RGL2: variants seen among roughly 807,000 people sequenced by gnomAD.
RGL2 encodes ral guanine nucleotide dissociation stimulator like 2.
RGL2 carries 40 observed loss-of-function variants against 84.6 expected under a neutral mutation model. The ratio of observed to expected loss-of-function variants is 0.47; its 90% confidence interval spans 0.37 to 0.62. The LOEUF (loss-of-function observed/expected upper bound fraction) is 0.62, where lower values mean the gene tolerates loss of function less well. Among genes scored for constraint, RGL2 ranks in the 20% least tolerant of loss-of-function variants. The pLI, the probability that RGL2 is intolerant of heterozygous loss-of-function variation, is 0.00. For synonymous variants in RGL2, 369 were observed against 417.3 expected (o/e 0.88, Z 1.41); for missense variants, 865 against 1,019.7 (o/e 0.85, Z 2.07).
chr6:33,298,881 G>A lies in RGL2; in HGVS notation c.-53C>T, dbSNP rs1581727223. ...GCTCAGGCTCTGACCTGCTCGGGAG[G>A]GGTGGGGGCAGCGTGGGTCCTGAGC... On this transcript the variant is annotated 5_prime_UTR_variant, in exon 1 of 18. Transcript: ENST00000497454. This position sits in a 1 kb window ranked among gnomAD's most constrained non-coding sequence, Gnocchi z 4.8. The A allele has an allele frequency of 5.8e-6, 2 of 344,372 alleles. No homozygotes were observed. The highest frequency in any genetic ancestry group is 1.9e-4 in the South Asian group (2 of 10,330). 21.3% of individuals were successfully genotyped at this position (344,372 alleles called of 1,614,324 possible).
In RGL2 at chr6:33,298,673, T is replaced by TGGGGGG; in HGVS notation, c.-41-23_-41-22insCCCCCC. The TGGGGGG allele has an allele frequency of 5.0e-6, 2 of 399,646 alleles. No homozygotes were observed. Among genetic ancestry groups the TGGGGGG allele is most frequent in the Non-Finnish European group, 8.0e-6 (2 of 251,252 alleles). The allele number at this position is 399,646 out of a possible 1,614,324, so 24.8% of individuals were successfully genotyped here. Reference sequence around the variant, plus strand: ...GCGCCTGGGGAGAGACGGGGTGGGGTGGGGGTGGAGAGTCAGGCAGGCGCG... The same window carrying TGGGGGG: ...GCGCCTGGGGAGAGACGGGGTGGGGTGGGGGGGGGGGTGGAGAGTCAGGCAGGCGCG... On this transcript the variant is annotated intron_variant, in intron 1 of 17. Transcript: ENST00000497454. The surrounding 1 kb of genome is among the most constrained non-coding windows in gnomAD (Gnocchi z 4.8).
upstream of RGL2, chr6:33,300,970 A>G (rs1004161227): frequency 2.0e-5 from 3 of 152,020 alleles, no homozygotes; most frequent in Admixed American, 6.6e-5. Flanking sequence ...CGTCTCAAAA[A>G]AAAAAAAAAA....
Position 33,296,560 on chromosome 6 carries a change from C to T in RGL2, c.419+38G>A. ...ATGTTGCGGCTTTAGGAAATCCGGG[C>T]AGATACTCCACTACCCTGCGTCCCT... is the stretch of plus-strand genomic sequence containing the variant. On this transcript the variant is annotated intron_variant, in intron 4 of 17. Coordinates refer to ENST00000497454, the MANE Select transcript of RGL2 (RefSeq NM_004761.5). The surrounding 1 kb of genome is among the most constrained non-coding windows in gnomAD (Gnocchi z 5.0). 6.3e-7 allele frequency: 1 copy of T among 1,589,836 alleles called. No individual in the cohort carries two copies. The highest frequency in any genetic ancestry group is 8.6e-7 in the Non-Finnish European group (1 of 1,166,948).
rs751126668 is a variant in RGL2 at position 33,292,235 on chromosome 6, C to T, written c.2201G>A (p.Arg734Gln). 38 of 1,614,184 alleles carry T rather than the reference C, an allele frequency of 2.4e-5. No individual in the cohort carries two copies. Among genetic ancestry groups the T allele is most frequent in the South Asian group, 3.3e-5 (3 of 91,086 alleles). Residue 734 changes from arginine (R) to glutamine (Q), a missense_variant, in exon 18 of 18, where the codon CGA becomes CAA. Physicochemically the swap from Arg to Gln is conservative, Grantham distance 43. Coordinates refer to ENST00000497454, the MANE Select transcript of RGL2 (RefSeq NM_004761.5). ...ASHDFLLRQR[R>Q]RSSTATPGVT... is the part of the protein sequence containing the mutation. ...GCCAGGTGTAGCAGTAGAGGACCTTCGCCGCTGCCGCAGGAGGAAATCGTG... is the reference window on the plus strand; with the variant it reads ...GCCAGGTGTAGCAGTAGAGGACCTTTGCCGCTGCCGCAGGAGGAAATCGTG...
chr6:33,295,526 C>T lies in RGL2; in HGVS notation c.1002G>A (p.Lys334=), dbSNP rs1767863684. ...CTCTCACCTCTGCCACGCGGATCCACTTCTCCAGGAGCCGGGCCCTCTGTG... is the reference window on the plus strand; with the variant it reads ...CTCTCACCTCTGCCACGCGGATCCATTTCTCCAGGAGCCGGGCCCTCTGTG... ...RPPQRARLLE[K]WIRVAEECRL... is the part of the protein sequence containing the mutation. Residue 334 remains lysine, a synonymous_variant, in exon 7 of 18, where the codon AAG becomes AAA. Transcript: ENST00000497454. This position sits in a 1 kb window ranked among gnomAD's most constrained non-coding sequence, Gnocchi z 7.2. 2 of 1,613,704 alleles carry T rather than the reference C, an allele frequency of 1.2e-6. No homozygotes were observed.
chr6:33,301,201 C>G (rs1356662398), upstream of RGL2: 1 of 152,460 alleles, frequency 6.6e-6, no homozygotes, highest in African/African-American at 2.4e-5. Flanking sequence ...TTTAAGAGGT[C>G]CTGAGAGAAA....
Position 33,293,045 on chromosome 6 carries a change from C to G in RGL2, c.1978G>C (p.Glu660Gln), listed in dbSNP as rs190119751. The G allele has an allele frequency of 3.2e-5, 51 of 1,614,192 alleles. 1 individual carries two copies. In the South Asian group the frequency reaches 4.0e-4, roughly 13 times the overall value. The change falls in exon 16 of 18, where the codon GAA (glutamate) becomes CAA (glutamine). Residue 660 changes from glutamate (E) to glutamine (Q), a missense_variant. By Grantham distance (29) the Glu-to-Gln change is conservative. Transcript: ENST00000497454. The surrounding 1 kb of genome is among the most constrained non-coding windows in gnomAD (Gnocchi z 7.0). ...ATGCTCTTATAGACACTGCCATCTTCCCCCAACTCCATCTGGACTCGGATG... is the reference window on the plus strand; with the variant it reads ...ATGCTCTTATAGACACTGCCATCTTGCCCCAACTCCATCTGGACTCGGATG... ...RIIRVQMELG[E>Q]DGSVYKSILV...
rs994627088 is a variant in RGL2 at position 33,296,151 on chromosome 6, C to T, written c.645G>A (p.Val215=). The T allele has an allele frequency of 6.2e-7, 1 of 1,613,912 alleles. No individual in the cohort carries two copies. The highest frequency in any genetic ancestry group is 8.5e-7 in the Non-Finnish European group (1 of 1,179,972). Residue 215 remains valine (V), a synonymous_variant, in exon 6 of 18, where the codon GTG becomes GTA. Transcript: ENST00000497454. The surrounding 1 kb of genome is among the most constrained non-coding windows in gnomAD (Gnocchi z 5.0). The part of the protein sequence containing the change: ...ADLIRNLRSR[V]DPQAPDLPKP... ...TAGGAAGGTCGGGGGCCTGGGGGTC[C>T]ACCCGGGACCGGAGATTGCGGATGA...
Position 33,295,989 on chromosome 6 carries a change from G to T in RGL2, c.768+39C>A. 1 of 1,610,040 alleles carries T rather than the reference G, an allele frequency of 6.2e-7. No individual in the cohort carries two copies. Among genetic ancestry groups the T allele is most frequent in the East Asian group, 2.2e-5 (1 of 44,836 alleles). On this transcript the variant is annotated intron_variant, in intron 6 of 17. Transcript: ENST00000497454. This position sits in a 1 kb window ranked among gnomAD's most constrained non-coding sequence, Gnocchi z 7.2. ...TCTGGAGTCAAGGAGAGGTTAGTAA[G>T]GGGTCAGGGGGCATAGGGGCCAGAG... is the stretch of plus-strand genomic sequence containing the variant.
At position 33,296,312 on chromosome 6, in the gene RGL2, C is replaced by T; in HGVS notation, c.484G>A (p.Val162Ile). 6.2e-7 allele frequency: 1 copy of T among 1,611,802 alleles called. No individual in the cohort carries two copies. Among genetic ancestry groups the T allele is most frequent in the Non-Finnish European group, 8.5e-7 (1 of 1,178,650 alleles). Residue 162 changes from valine (V) to isoleucine (I), a missense_variant, in exon 6 of 18, where the codon GTA becomes ATA. By Grantham distance (29) the Val-to-Ile change is conservative. Transcript: ENST00000497454. The surrounding 1 kb of genome is among the most constrained non-coding windows in gnomAD (Gnocchi z 5.0). Reference sequence around the variant, plus strand: ...TGAGAGGCCAGCCAGGTTGACAGTACAGAGATGGCTACCCTGGGAGAAGGG... The same window carrying T: ...TGAGAGGCCAGCCAGGTTGACAGTATAGAGATGGCTACCCTGGGAGAAGGG... ...LERTTEVAISVLSTWLASHPE... is the reference protein window; with the variant it reads ...LERTTEVAISILSTWLASHPE...
rs912358000 is a variant in RGL2 at position 33,298,258 on chromosome 6, G to A, written c.156+197C>T. The A allele has an allele frequency of 1.5e-5, 8 of 516,342 alleles. No homozygotes were observed. Among genetic ancestry groups the A allele is most frequent in the Non-Finnish European group, 2.8e-5 (8 of 284,386 alleles). 32.0% of individuals were successfully genotyped at this position (516,342 alleles called of 1,614,324 possible). A position where few individuals can be genotyped will look rare whatever the true frequency, so the allele number is the denominator to read the frequency against. ...CCAGGCAGGAACAGGGCAGGTTCCT[G>A]CGGGCAGGTCCTGAGTCACACTGAC... On this transcript the variant is annotated intron_variant, in intron 2 of 17. Transcript: ENST00000497454. The surrounding 1 kb of genome is among the most constrained non-coding windows in gnomAD (Gnocchi z 4.8).
chr6:33,297,801 G>A lies in RGL2; in HGVS notation c.156+654C>T, dbSNP rs1768137899. 6.6e-6 allele frequency: 1 copy of A among 152,332 alleles called. No individual in the cohort carries two copies. The highest frequency in any genetic ancestry group is 2.4e-5 in the African/African-American group (1 of 41,450). The allele number at this position is 152,332 out of a possible 1,614,324, so 9.4% of individuals were successfully genotyped here. On this transcript the variant is annotated intron_variant, in intron 2 of 17. Coordinates refer to ENST00000497454, the MANE Select transcript of RGL2 (RefSeq NM_004761.5). The surrounding 1 kb of genome is among the most constrained non-coding windows in gnomAD (Gnocchi z 4.0). ...CTGCCAGTCAACCTGCCCTCACCTA[G>A]GATCTGGACCTAGGAGTTTAGGGCC...
Position 33,296,722 on chromosome 6 carries a change from C to CCTCCACCTGGT in RGL2, c.294_295insACCAGGTGGAG (p.Ala99ThrfsTer20). ...GTATCCAGTAGGTGTCTGACCAGGG[C>CCTCCACCTGGT]CTCCAGAGTGCCAGCTCGGAGCCGT... On this transcript the variant is annotated frameshift_variant, in exon 4 of 18. Coordinates refer to ENST00000497454, the MANE Select transcript of RGL2 (RefSeq NM_004761.5). LOFTEE classifies it high-confidence loss of function. The surrounding 1 kb of genome is among the most constrained non-coding windows in gnomAD (Gnocchi z 5.0). 6.2e-7 allele frequency: 1 copy of CCTCCACCTGGT among 1,613,992 alleles called. No homozygotes were observed. The highest frequency in any genetic ancestry group is 8.5e-7 in the Non-Finnish European group (1 of 1,180,022).
At position 33,293,218 on chromosome 6, in the gene RGL2, G is replaced by A. The variant is rs767392879; in HGVS notation, c.1805C>T (p.Ser602Phe). 2 of 1,565,412 alleles carry A rather than the reference G, an allele frequency of 1.3e-6. No homozygotes were observed. The highest frequency in any genetic ancestry group is 1.7e-6 in the Non-Finnish European group (2 of 1,158,498). The change falls in exon 16 of 18, where the codon TCC becomes TTC. Residue 602 changes from serine (S) to phenylalanine (F), a missense_variant. Coordinates refer to ENST00000497454, the MANE Select transcript of RGL2 (RefSeq NM_004761.5). The surrounding 1 kb of genome is among the most constrained non-coding windows in gnomAD (Gnocchi z 7.0). ...LHSPADPSHL[S>F]PPASSPRPSR... ...AGGCCTAGGGGAGGAGGCTGGTGGG[G>A]AGAGGTGGCTGGGGTCAGCTGGACT...
rs769401069 is a variant in RGL2, at chr6:33,296,184, G to GC, written c.611dup (p.Ser204ArgfsTer3). ...ACCGGAGATTGCGGATGAGGTCAGC[G>GC]CTGCCCCCCCCAACACCCTTCCCTG... On this transcript the variant is annotated frameshift_variant, in exon 6 of 18. Transcript: ENST00000497454. LOFTEE classifies it high-confidence loss of function. The surrounding 1 kb of genome is among the most constrained non-coding windows in gnomAD (Gnocchi z 5.0). 3.1e-6 allele frequency: 5 copies of GC among 1,613,888 alleles called. No individual in the cohort carries two copies. The highest frequency in any genetic ancestry group is 4.2e-6 in the Non-Finnish European group (5 of 1,179,928).
chr6:33,298,722 G>C lies in RGL2; in HGVS notation c.-41-71C>G. On this transcript the variant is annotated intron_variant, in intron 1 of 17. Transcript: ENST00000497454. This position sits in a 1 kb window ranked among gnomAD's most constrained non-coding sequence, Gnocchi z 4.8. ...CGGGGGAACCGGGCAGGGAAGGGAC[G>C]TGGGTGGGTGTCAAGAAGACCGGAA... 1 of 652,986 alleles carries C rather than the reference G, an allele frequency of 1.5e-6. No homozygotes were observed. The highest frequency in any genetic ancestry group is 2.4e-6 in the Non-Finnish European group (1 of 410,588). The allele number at this position is 652,986 out of a possible 1,614,324, so 40.4% of individuals were successfully genotyped here.
In RGL2 at chr6:33,294,699, C is replaced by T; in HGVS notation, c.1342G>A (p.Asp448Asn). The T allele has an allele frequency of 6.2e-7, 1 of 1,614,082 alleles. No homozygotes were observed. Among genetic ancestry groups the T allele is most frequent in the Non-Finnish European group, 8.5e-7 (1 of 1,180,008 alleles). The change falls in exon 11 of 18, where the codon GAT becomes AAT. Residue 448 changes from aspartate to asparagine, a missense_variant. Physicochemically the swap from Asp to Asn is conservative, Grantham distance 23. Transcript: ENST00000497454. This position sits in a 1 kb window ranked among gnomAD's most constrained non-coding sequence, Gnocchi z 5.0. The stretch of plus-strand genomic sequence containing the variant: ...CACACACCACTGACCTCCAACTCAT[C>T]CTTGGAGGCTGCATCCAGCATCACA... ...DLVMLDAASKDELENGYINFD... is the reference protein window; with the variant it reads ...DLVMLDAASKNELENGYINFD...
Position 33,292,059 on chromosome 6 carries a change from G to C in RGL2, c.*43C>G, listed in dbSNP as rs750493218. 10 of 1,598,620 alleles carry C rather than the reference G, an allele frequency of 6.3e-6. No individual in the cohort carries two copies. The highest frequency in any genetic ancestry group is 8.6e-7 in the Non-Finnish European group (1 of 1,166,314). ...CCATTCAGGATGGCTACCCACATCTGGTATGAACACCATGACTTCTGTAAG... is the reference window on the plus strand; with the variant it reads ...CCATTCAGGATGGCTACCCACATCTCGTATGAACACCATGACTTCTGTAAG... On this transcript the variant is annotated 3_prime_UTR_variant, in exon 18 of 18. Transcript: ENST00000497454.
Position 33,294,572 on chromosome 6 carries a change from C to G in RGL2, c.1353+116G>C. The G allele has an allele frequency of 9.2e-7, 1 of 1,087,270 alleles. No individual in the cohort carries two copies. The allele number at this position is 1,087,270 out of a possible 1,614,324, so 67.4% of individuals were successfully genotyped here. A position where few individuals can be genotyped will look rare whatever the true frequency, so the allele number is the denominator to read the frequency against. On this transcript the variant is annotated intron_variant, in intron 11 of 17. Transcript: ENST00000497454. This position sits in a 1 kb window ranked among gnomAD's most constrained non-coding sequence, Gnocchi z 5.0. ...ACTTGGCACAGAAACAGATCTGGCTCTGTCCCACACTCAGCTATTTGTGCC... is the reference window on the plus strand; with the variant it reads ...ACTTGGCACAGAAACAGATCTGGCTGTGTCCCACACTCAGCTATTTGTGCC...
Sources: gnomAD v4.1 joint callset for allele counts on GRCh38, gnomAD v4.1.1 for gene constraint, Gnocchi (gnomAD v3.1) non-coding constraint, MANE v1.5 for transcripts, NCBI Gene and HGNC (gene_info 2026-07-23, HGNC 2026-07-21) for gene names.